The following CDHR3 variants were observed in gnomAD, a reference collection of about 807,000 sequenced individuals.
CDHR3 encodes cadherin related family member 3, also known as cadherin-related family member 3.
Under a neutral mutation model 86.6 loss-of-function variants are expected in CDHR3, and 79 were observed. That is an observed-to-expected ratio of 0.91 (90% CI 0.76 to 1.10). The LOEUF (loss-of-function observed/expected upper bound fraction) is 1.10, where lower values mean the gene tolerates loss of function less well. Among genes scored for constraint, CDHR3 ranks in the 50% least tolerant of loss-of-function variants. CDHR3 has a pLI of 0.00. For synonymous variants in CDHR3, 421 were observed against 402.4 expected (o/e 1.05, Z -0.55); for missense variants, 1,081 against 1,077.6 (o/e 1.00, Z -0.04).
chr7:106,015,198 C>T lies in CDHR3; in HGVS notation c.1312C>T (p.Pro438Ser), dbSNP rs750110090. The stretch of plus-strand genomic sequence containing the variant: ...GATAATCCAGGTGCAGGATGTGGCC[C>T]CCCCTTACTATAAAAGCAAGTATCA... ...TVIIQVQDVA[P>S]PYYKNNVYVY... Residue 438 changes from proline (P) to serine (S), a missense_variant, in exon 10 of 19, where the codon CCC becomes TCC. Pro to Ser is a moderately conservative substitution (Grantham distance 74). Transcript: ENST00000317716. 1.6e-5 allele frequency: 25 copies of T among 1,608,658 alleles called. 1 individual carries two copies. In the South Asian group the frequency reaches 2.1e-4, roughly 14 times the overall value.
Position 106,022,320 on chromosome 7 carries a change from G to T in CDHR3, c.1948G>T (p.Val650Phe), listed in dbSNP as rs201258435. 212 of 1,613,902 alleles carry T rather than the reference G, an allele frequency of 1.3e-4. No individual in the cohort carries two copies. The highest frequency in any genetic ancestry group is 3.3e-4 in the Admixed American group (20 of 60,000). ...TAAGATCTGGGACTACAAGCTACTT[G>T]TCTACGTAACTGATGACAACTTGAT... ...FDKIWDYKLL[V>F]YVTDDNLMSD... Residue 650 changes from valine to phenylalanine, a missense_variant, in exon 14 of 19, where the codon GTC (valine) becomes TTC (phenylalanine). Physicochemically the swap from Val to Phe is conservative, Grantham distance 50. Coordinates refer to ENST00000317716, the MANE Select transcript of CDHR3 (RefSeq NM_152750.5).
intron 15 of CDHR3, 122 bp from the exon 16 acceptor site, chr7:106,026,560 C>A (rs530940929): frequency 1.0e-6 from 1 of 979,212 alleles, no homozygotes; most frequent in South Asian, 1.3e-5. Context: ...TCCCTGGCAC[C>A]TCTTTCAGTC....
intron 2 of CDHR3, among the ~76,000 whole-genome samples, chr7:105,978,316 A>G (rs1402570601): frequency 6.6e-6 from 1 of 152,108 alleles, no homozygotes; most frequent in East Asian, 1.9e-4. Flanking sequence ...CTGCGGAGAG[A>G]GGGGCTCTCT....
intron 2 of CDHR3, among the ~76,000 whole-genome samples, chr7:105,976,635 G>A (rs1351605354): frequency 3.9e-5 from 6 of 152,022 alleles, no homozygotes; most frequent in South Asian, 2.1e-4. Context: ...CCAATCCCTG[G>A]CAACCACTAA....
In CDHR3 at chr7:106,035,535, G is replaced by A. The variant is rs1838845703; in HGVS notation, c.*2838G>A. Among the ~76,000 whole-genome samples the A allele has an allele frequency of 1.3e-5, 2 of 152,216 alleles. No homozygotes were observed. The highest frequency in any genetic ancestry group is 4.8e-5 in the African/African-American group (2 of 41,450). ...AGAATGAGGCAACGAAAGAATGAAA[G>A]CAGGGATTTATTGAAAACCAAAGTA... On this transcript the variant is annotated 3_prime_UTR_variant, in exon 19 of 19. Transcript: ENST00000317716.
intron 2 of CDHR3, among the ~76,000 whole-genome samples, chr7:105,980,623 A>ATTTTTTTTTT (rs55880404): frequency 5.5e-5 from 6 of 108,144 alleles, no homozygotes; most frequent in African/African-American, 1.5e-4. Context: ...TTTTTTTTTA[A>ATTTTTTTTTT]TTTTTTTTTT....
chr7:105,992,244 T>C (rs78930162), intron 4 of CDHR3, among the ~76,000 whole-genome samples: 4,521 of 152,274 alleles, frequency 0.03, 210 homozygotes, highest in African/African-American at 0.1. Flanking sequence ...AAAACACATG[T>C]GGAAGGACGC....
intron 1 of CDHR3, among the ~76,000 whole-genome samples, chr7:105,968,446 C>A (rs1490021241): frequency 2.0e-5 from 3 of 152,026 alleles, no homozygotes; most frequent in African/African-American, 4.8e-5. Context: ...ACTACAACCT[C>A]CACCTCCCAG....
Position 106,032,386 on chromosome 7 carries a change from T to C in CDHR3, c.2354-7T>C. ...CTTATGTGATTGTTGTATTTTTTTT[T>C]CACTAGTGACCGGGGAAACATATGA... is the stretch of plus-strand genomic sequence containing the variant. On this transcript the variant is annotated splice_region_variant and splice_polypyrimidine_tract_variant and intron_variant, in intron 18 of 18. Transcript: ENST00000317716. 1 of 1,598,084 alleles carries C rather than the reference T, an allele frequency of 6.3e-7. No individual in the cohort carries two copies. The highest frequency in any genetic ancestry group is 8.5e-7 in the Non-Finnish European group (1 of 1,170,776).
chr7:106,001,709 T>A, intron 7 of CDHR3, 99 bp downstream of exon 7: 1 of 1,481,618 alleles, frequency 6.7e-7, no homozygotes, highest in Non-Finnish European at 9.2e-7. Context: ...GAATTGGTTC[T>A]AGGATGCACC....
intron 9 of CDHR3, among the ~76,000 whole-genome samples, chr7:106,013,839 C>T (rs1435016399): frequency 6.6e-6 from 1 of 152,168 alleles, no homozygotes; most frequent in African/African-American, 2.4e-5. Flanking sequence ...ATATAGAAAG[C>T]ACAGAAAAGC....
At chr7:106,021,122 C>T (rs1161454445) in intron 13 of CDHR3, among the ~76,000 whole-genome samples, 1 of 152,184 alleles carries the variant, frequency 6.6e-6, no homozygotes, top group African/African-American at 2.4e-5. Flanking sequence ...CAGGAATTCT[C>T]TTCTGCTCCA....
intron 4 of CDHR3, among the ~76,000 whole-genome samples, chr7:105,990,519 C>T (rs1831196468): frequency 6.6e-6 from 1 of 152,134 alleles, no homozygotes; most frequent in African/African-American, 2.4e-5. Context: ...AATGTGGCAA[C>T]ATATTTGTAA....
chr7:106,024,584 C>G, intron 15 of CDHR3, 22 bp downstream of exon 15: 1 of 1,610,306 alleles, frequency 6.2e-7, no homozygotes, highest in Non-Finnish European at 8.5e-7. Context: ...GTGGGCTGGG[C>G]CCTCTTCCCC....
intron 4 of CDHR3, among the ~76,000 whole-genome samples, chr7:105,991,168 C>T (rs1363468983): frequency 2.0e-5 from 3 of 152,106 alleles, no homozygotes; most frequent in African/African-American, 7.2e-5. Context: ...TTTCTGTTTT[C>T]CAAGAATGAA....
rs1350207370 is a variant in CDHR3 at position 105,981,031 on chromosome 7, A to G, written c.313A>G (p.Ile105Val). 5.0e-6 allele frequency: 8 copies of G among 1,612,404 alleles called. No homozygotes were observed. The highest frequency in any genetic ancestry group is 6.8e-6 in the Non-Finnish European group (8 of 1,179,254). The part of the protein sequence containing the change: ...ETGPNIFDLQ[I>V]YVKDEVGVTD... ...AGGACCAAACATATTTGATTTGCAG[A>G]TTTATGTGAAGGATGAGGTTGGTGT... Residue 105 changes from isoleucine to valine, a missense_variant, in exon 3 of 19, where the codon ATT becomes GTT. Physicochemically the swap from Ile to Val is conservative, Grantham distance 29. Transcript: ENST00000317716.
intron 16 of CDHR3, 51 bp from the exon 17 acceptor site, chr7:106,028,500 G>A: frequency 6.2e-7 from 1 of 1,608,228 alleles, no homozygotes; most frequent in South Asian, 1.1e-5. Context: ...GAATTTTAAG[G>A]TCAATTTACC....
In CDHR3 at chr7:105,999,804, G is replaced by A. The variant is rs2115779125; in HGVS notation, c.714-1658G>A. Among the ~76,000 whole-genome samples the A allele has an allele frequency of 2.6e-5, 4 of 152,344 alleles. No homozygotes were observed. In the Middle Eastern group the frequency reaches 0.01, roughly 389 times the overall value. ...CAGTCCTGGTTCAGAGGGCTGGGGT[G>A]GGTGGGCCTGAGGTCTGCATGTCTA... On this transcript the variant is annotated intron_variant, in intron 6 of 18. Transcript: ENST00000317716.
intron 16 of CDHR3, 75 bp from the exon 17 acceptor site, chr7:106,028,476 C>T: frequency 6.6e-7 from 1 of 1,509,010 alleles, no homozygotes; most frequent in African/African-American, 1.4e-5. Context: ...AGGGGAAATA[C>T]CGTTGTGGAG....
Sources: gnomAD v4.1 joint callset for allele counts (sites outside exome capture counted in the v4.1 genomes callset) on GRCh38, gnomAD v4.1.1 for gene constraint, MANE v1.5 for transcripts, NCBI Gene and HGNC (gene_info 2026-07-23, HGNC 2026-07-21) for gene names.